TTC12: variants seen among roughly 807,000 people sequenced by gnomAD.
TTC12 encodes tetratricopeptide repeat protein 12.
A neutral mutation model predicts 90.1 loss-of-function variants in TTC12; 70 were observed. The ratio of observed to expected loss-of-function variants is 0.78; its 90% confidence interval spans 0.64 to 0.95. The LOEUF is 0.95. Among genes scored for constraint, TTC12 ranks in the 40% least tolerant of loss-of-function variants. The probability of loss-of-function intolerance (pLI) is 0.00; values close to 1 mark genes in which losing one functional copy is unlikely to be tolerated. For missense variants in TTC12, 819 were observed against 846.1 expected (o/e 0.97, Z 0.40); for synonymous variants, 296 against 311.5 (o/e 0.95, Z 0.53).
intron 2 of TTC12, among the ~76,000 whole-genome samples, chr11:113,319,531 T>TA (rs1555137294): frequency 6.6e-6 from 1 of 152,174 alleles, no homozygotes; most frequent in African/African-American, 2.4e-5. Context: ...ACTTATTTGG[T>TA]AAAAATGTCA....
At chr11:113,322,387 G>C (rs1361901592) in intron 2 of TTC12, among the ~76,000 whole-genome samples, 2 of 152,204 alleles carry the variant, frequency 1.3e-5, no homozygotes, top group African/African-American at 4.8e-5. Context: ...GGCCCAGGAT[G>C]AGGGACTAAC....
rs987537658 is a variant in TTC12 at position 113,320,609 on chromosome 11, C to T, written c.59-2679C>T. Among the ~76,000 whole-genome samples the T allele has an allele frequency of 5.3e-5, 8 of 152,150 alleles. No homozygotes were observed. The East Asian group carries it at 7.7e-4, about 15-fold the overall frequency. ...AGTCCTGTGTGTGACCTGATTCTTCCGGGGATGCTGGGCAAGAGCTCGGGA... is the reference window on the plus strand; with the variant it reads ...AGTCCTGTGTGTGACCTGATTCTTCTGGGGATGCTGGGCAAGAGCTCGGGA... On this transcript the variant is annotated intron_variant, in intron 2 of 21. Coordinates refer to ENST00000529221, the MANE Select transcript of TTC12 (RefSeq NM_017868.4).
intron 13 of TTC12, among the ~76,000 whole-genome samples, chr11:113,347,421 T>C (rs1949030065): frequency 6.6e-6 from 1 of 152,160 alleles, no homozygotes; most frequent in African/African-American, 2.4e-5. Flanking sequence ...CTCCATTTGA[T>C]TCGGGATGGG....
chr11:113,324,482 GTGTGTGTGCC>G, intron 4 of TTC12, 113 bp from the exon 5 acceptor site: 2 of 669,718 alleles, frequency 3.0e-6, no homozygotes, highest in Non-Finnish European at 5.2e-6. Flanking sequence ...GTGTGTGTGC[GTGTGTGTGCC>G]TGTGTGCATA....
At chr11:113,347,455 G>A (rs1949032562) in intron 13 of TTC12, among the ~76,000 whole-genome samples, 1 of 152,184 alleles carries the variant, frequency 6.6e-6, no homozygotes, top group Admixed American at 6.5e-5. Context: ...AATAGACTGA[G>A]TGGAGGAAGT....
At chr11:113,345,915 T>C (rs1256762962) in intron 13 of TTC12, among the ~76,000 whole-genome samples, 1 of 149,228 alleles carries the variant, frequency 6.7e-6, no homozygotes, top group Admixed American at 6.6e-5. Context: ...TCACCTCGGG[T>C]GGTCCTGCCT....
intron 15 of TTC12, 92 bp downstream of exon 15, chr11:113,351,391 A>G (rs530141678): frequency 9.0e-5 from 94 of 1,041,294 alleles, no homozygotes; most frequent in Admixed American, 3.4e-4. Flanking sequence ...CAGAACAACT[A>G]TTGTCTCTCG....
rs1948836660 is a variant in TTC12 at position 113,344,383 on chromosome 11, A to G, written c.1097A>G (p.His366Arg). ...CAGCAGAGCTTTGCCCTGCTGCTGC[A>G]TCTCGCCCAGACTGAGAGCGGACGG... is the stretch of plus-strand genomic sequence containing the variant. The part of the protein sequence containing the change: ...IRQQSFALLL[H>R]LAQTESGRSL... The change falls in exon 13 of 22, where the codon CAT becomes CGT. Residue 366 changes from histidine to arginine, a missense_variant. Physicochemically the swap from His to Arg is conservative, Grantham distance 29. Transcript: ENST00000529221. The G allele has an allele frequency of 6.2e-7, 1 of 1,614,160 alleles. No individual in the cohort carries two copies. The highest frequency in any genetic ancestry group is 8.5e-7 in the Non-Finnish European group (1 of 1,180,016).
intron 2 of TTC12, among the ~76,000 whole-genome samples, chr11:113,318,258 T>A (rs1555136658): frequency 6.6e-6 from 1 of 151,920 alleles, no homozygotes; most frequent in African/African-American, 2.4e-5. Context: ...AGTGTAGGGA[T>A]CTAACCCAGC....
chr11:113,351,893 G>A (rs1949314023), intron 15 of TTC12, among the ~76,000 whole-genome samples, 177 bp from the exon 16 acceptor site: 1 of 152,196 alleles, frequency 6.6e-6, no homozygotes, highest in Admixed American at 6.5e-5. Flanking sequence ...ACCCTTTTGG[G>A]TTTACCCCTC....
chr11:113,367,831 G>A (rs886227816), downstream of TTC12, among the ~76,000 whole-genome samples: 1 of 137,462 alleles, frequency 7.3e-6, no homozygotes, highest in African/African-American at 2.7e-5. Context: ...GCCCTGGGTG[G>A]CAAGCAAGTG....
chr11:113,344,831 G>A (rs1320145759), intron 13 of TTC12, among the ~76,000 whole-genome samples: 2 of 152,072 alleles, frequency 1.3e-5, no homozygotes, highest in South Asian at 2.1e-4. Flanking sequence ...CTTATTCTAC[G>A]TGTCCTTAAA....
Position 113,344,344 on chromosome 11 carries a change from T to C in TTC12, c.1058T>C (p.Val353Ala), listed in dbSNP as rs782725341. ...RLLAALLSSK[V>A]LAIRQQSFAL... is the part of the protein sequence containing the mutation. The stretch of plus-strand genomic sequence containing the variant: ...TTGGCCGCCCTCTTGTCCTCCAAGG[T>C]CCTGGCCATCCGGCAGCAGAGCTTT... Residue 353 changes from valine (V) to alanine (A), a missense_variant, in exon 13 of 22, where the codon GTC (valine) becomes GCC (alanine). Val to Ala is a moderately conservative substitution (Grantham distance 64). Transcript: ENST00000529221. 1 of 1,614,192 alleles carries C rather than the reference T, an allele frequency of 6.2e-7. No individual in the cohort carries two copies. The highest frequency in any genetic ancestry group is 8.5e-7 in the Non-Finnish European group (1 of 1,180,020).
At chr11:113,347,522 A>G (rs557515649) in intron 13 of TTC12, among the ~76,000 whole-genome samples, 3 of 152,168 alleles carry the variant, frequency 2.0e-5, no homozygotes, top group Non-Finnish European at 2.9e-5. Context: ...CCAACTGTCC[A>G]TTTCAAGACA....
rs895550287 is a variant in TTC12 at position 113,359,396 on chromosome 11, G to A, written c.1480G>A (p.Glu494Lys). 1.7e-5 allele frequency: 28 copies of A among 1,612,590 alleles called. No individual in the cohort carries two copies. Among genetic ancestry groups the A allele is most frequent in the Non-Finnish European group, 2.1e-5 (25 of 1,178,964 alleles). The change falls in exon 17 of 22, where the codon GAG becomes AAG. Residue 494 changes from glutamate (E) to lysine (K), a missense_variant. By Grantham distance (56) the Glu-to-Lys change is moderately conservative. Transcript: ENST00000529221. The stretch of plus-strand genomic sequence containing the variant: ...TGAGGAGGATGTGGACCTGTTCAGA[G>A]AGGTTATCTACACACTCCTGGGACT... ...RCEEDVDLFR[E>K]VIYTLLGLMM...
rs768719322 is a variant in TTC12 at position 113,366,219 on chromosome 11, T to C, written c.2043-6T>C. 1 of 1,612,782 alleles carries C rather than the reference T, an allele frequency of 6.2e-7. No homozygotes were observed. Among genetic ancestry groups the C allele is most frequent in the South Asian group, 1.1e-5 (1 of 91,076 alleles). On this transcript the variant is annotated splice_polypyrimidine_tract_variant and splice_region_variant and intron_variant, in intron 21 of 21. Transcript: ENST00000529221. Reference sequence around the variant, plus strand: ...TGCCCTGGGTTGTTTGTTTTGATTGTGACAGATTTGCTGCTCAACTGAGAA... The same window carrying C: ...TGCCCTGGGTTGTTTGTTTTGATTGCGACAGATTTGCTGCTCAACTGAGAA...
intron 4 of TTC12, chr11:113,324,279 A>G: frequency 1.9e-6 from 1 of 534,100 alleles, no homozygotes; most frequent in Non-Finnish European, 3.3e-6. Flanking sequence ...GGATCCAGAT[A>G]GTTTCTCTGT....
intron 6 of TTC12, 82 bp downstream of exon 6, chr11:113,325,727 A>T: frequency 6.4e-7 from 1 of 1,560,446 alleles, no homozygotes; most frequent in Admixed American, 1.9e-5. Flanking sequence ...ATGAGGCTAG[A>T]TGTTGGGCTG....
rs1555154126 is a variant in TTC12, at chr11:113,359,969, C to T, written c.1575C>T (p.Cys525=). 6.3e-7 allele frequency: 1 copy of T among 1,599,952 alleles called. No individual in the cohort carries two copies. Among genetic ancestry groups the T allele is most frequent in the East Asian group, 2.2e-5 (1 of 44,640 alleles). ...GGGCTGTGGAGGTGAGCAGAAGGTG[C>T]CTGTCTTTACTAAACAGCCAGGATG... is the stretch of plus-strand genomic sequence containing the variant. ...EVWAVEVSRR[C]LSLLNSQDGG... is the part of the protein sequence containing the mutation. The change falls in exon 18 of 22, where the codon TGC becomes TGT. Residue 525 remains cysteine, a synonymous_variant. Coordinates refer to ENST00000529221, the MANE Select transcript of TTC12 (RefSeq NM_017868.4).
Sources: allele counts gnomAD v4.1 joint callset (sites outside exome capture counted in the v4.1 genomes callset), GRCh38; gene constraint gnomAD v4.1.1; transcripts MANE v1.5; gene names NCBI Gene and HGNC (gene_info 2026-07-23, HGNC 2026-07-21).